Variants in SETD2 observed in about 807,000 individuals in gnomAD.
SETD2 encodes the protein histone-lysine N-methyltransferase SETD2.
In SETD2, 31 loss-of-function variants were observed where a neutral mutation model predicts 242.1. The ratio of observed to expected loss-of-function variants is 0.13; its 90% confidence interval spans 0.10 to 0.17. The LOEUF (loss-of-function observed/expected upper bound fraction) is 0.17. Ranked by LOEUF, SETD2 falls within the 10% of genes least tolerant of loss-of-function variation. SETD2 has a pLI of 1.00. For synonymous variants in SETD2, 1,006 were observed against 1,066.5 expected, an observed-to-expected ratio of 0.94 and a Z score of 1.11; for missense variants, 2,481 against 3,046.3, an observed-to-expected ratio of 0.81 and a Z score of 4.37.
intron 16 of SETD2, 67 bp from the exon 17 acceptor site, chr3:47,042,767 T>C (rs1010154858): frequency 9.4e-6 from 13 of 1,383,696 alleles, no homozygotes; most frequent in East Asian, 4.7e-5. Flanking sequence ...TAGGACAAAA[T>C]AGCCCACTTA....
chr3:47,034,263 T>C (rs1363257589), intron 18 of SETD2, among the ~76,000 whole-genome samples: 1 of 152,210 alleles, frequency 6.6e-6, no homozygotes, highest in Non-Finnish European at 1.5e-5. Context: ...TTGGAACTAC[T>C]ACTCTATAAC....
At chr3:47,130,759 C>T (rs2043457195) in intron 1 of SETD2, among the ~76,000 whole-genome samples, 1 of 151,046 alleles carries the variant, frequency 6.6e-6, no homozygotes, top group South Asian at 2.1e-4. Context: ...TTTCTTCTTT[C>T]AAAAAACTAC....
At chr3:47,064,111 G>A (rs1231470736) in intron 13 of SETD2, among the ~76,000 whole-genome samples, 3 of 152,128 alleles carry the variant, frequency 2.0e-5, no homozygotes, top group Non-Finnish European at 4.4e-5. Flanking sequence ...TCTCTCATAG[G>A]ACAAGGAAGA....
chr3:47,083,371 T>A (rs2041398200), intron 12 of SETD2, among the ~76,000 whole-genome samples: 1 of 152,228 alleles, frequency 6.6e-6, no homozygotes, highest in South Asian at 2.1e-4. Flanking sequence ...TACAACTGAT[T>A]TCCAATAAAT....
In SETD2 at chr3:47,037,729, G is replaced by T; in HGVS notation, c.7287C>A (p.Ala2429=). ...CCATCTCAGCTTCATGCTCAAGGCT[G>T]GCATCATCTCCTGGGCTTTCCCAAG... ...PPTWESPGDD[A]SLEHEAEMDL... is the part of the protein sequence containing the mutation. The change falls in exon 18 of 21, where the codon GCC becomes GCA. Residue 2429 remains alanine, a synonymous_variant. Coordinates refer to ENST00000409792, the MANE Select transcript of SETD2 (RefSeq NM_014159.7). The T allele has an allele frequency of 1.2e-6, 2 of 1,613,852 alleles. 1 individual carries two copies. Among genetic ancestry groups the T allele is most frequent in the South Asian group, 2.2e-5 (2 of 91,076 alleles).
chr3:47,059,725 T>G (rs188905411), intron 14 of SETD2, among the ~76,000 whole-genome samples: 2 of 152,228 alleles, frequency 1.3e-5, no homozygotes, highest in Admixed American at 6.5e-5. Context: ...GCTGGGAATT[T>G]TTTAAGGTGA....
intron 11 of SETD2, among the ~76,000 whole-genome samples, chr3:47,085,468 C>T (rs886407085): frequency 6.6e-6 from 1 of 152,160 alleles, no homozygotes; most frequent in African/African-American, 2.4e-5. Flanking sequence ...TAGACAACCT[C>T]CCCCATTTTG....
At position 47,118,779 on chromosome 3, in the gene SETD2, T is replaced by C. The variant is rs143393909; in HGVS notation, c.4454+1403A>G. On this transcript the variant is annotated intron_variant, in intron 3 of 20. Coordinates refer to ENST00000409792, the MANE Select transcript of SETD2 (RefSeq NM_014159.7). ...GTGCACAGTTTTATATATATATATC[T>C]GATTCTCAATGCTAAAGAAAAGTCA... 7.0e-3 allele frequency among the ~76,000 whole-genome samples: 1,070 copies of C among 152,208 alleles called. 16 individuals carry two copies. Among genetic ancestry groups the C allele is most frequent in the African/African-American group, 0.024 (1,006 of 41,550 alleles).
intron 15 of SETD2, among the ~76,000 whole-genome samples, chr3:47,050,326 T>C (rs560478296): frequency 6.6e-6 from 1 of 152,290 alleles, no homozygotes; most frequent in African/African-American, 2.4e-5. Context: ...AGCCTAGGCT[T>C]ACACGGAGTC....
intron 14 of SETD2, among the ~76,000 whole-genome samples, chr3:47,060,571 C>A (rs2040288327): frequency 6.6e-6 from 1 of 151,960 alleles, no homozygotes; most frequent in African/African-American, 2.4e-5. Context: ...GGTGCTGGGA[C>A]AATTGGGTAT....
chr3:47,077,251 T>C (rs1368896126), intron 12 of SETD2, among the ~76,000 whole-genome samples: 1 of 152,060 alleles, frequency 6.6e-6, no homozygotes, highest in Admixed American at 6.5e-5. Context: ...GCCCGGCTAA[T>C]TTTTGTATTT....
At chr3:47,077,524 T>C (rs1056938297) in intron 12 of SETD2, among the ~76,000 whole-genome samples, 2 of 152,164 alleles carry the variant, frequency 1.3e-5, no homozygotes, top group Non-Finnish European at 2.9e-5. Context: ...GGGTATGGTG[T>C]CAGATTAACA....
intron 3 of SETD2, among the ~76,000 whole-genome samples, chr3:47,117,669 A>T (rs968641530): frequency 6.6e-6 from 1 of 152,212 alleles, no homozygotes; most frequent in Admixed American, 6.5e-5. Flanking sequence ...AGCAGACTGA[A>T]TTTTTTAAAT....
At chr3:47,144,914 G>A (rs2043817857) in intron 1 of SETD2, among the ~76,000 whole-genome samples, 1 of 152,150 alleles carries the variant, frequency 6.6e-6, no homozygotes, top group African/African-American at 2.4e-5. Flanking sequence ...TCACACCACT[G>A]CACTCCAGCC....
At position 47,121,158 on chromosome 3, in the gene SETD2, G is replaced by C. The variant is rs2043067537; in HGVS notation, c.3478C>G (p.Leu1160Val). Residue 1160 changes from leucine to valine, a missense_variant, in exon 3 of 21, where the codon CTT becomes GTT. By Grantham distance (32) the Leu-to-Val change is conservative. This residue lies in a region of SETD2 where 1,300 missense variants were observed against 1,259.2 expected (regional missense o/e 1.03). Coordinates refer to ENST00000409792, the MANE Select transcript of SETD2 (RefSeq NM_014159.7). ...ACCCCATCACTCTGAGGATGAGAAA[G>C]TTCAGGCAGGCGATTATCTATTTGT... Reference protein sequence around the residue: ...RKQIDNRLPELSHPQSDGVDS... With the variant: ...RKQIDNRLPEVSHPQSDGVDS... 1 of 1,614,036 alleles carries C rather than the reference G, an allele frequency of 6.2e-7. No homozygotes were observed. Among genetic ancestry groups the C allele is most frequent in the South Asian group, 1.1e-5 (1 of 91,082 alleles).
chr3:47,068,571 A>G (rs2040670917), intron 12 of SETD2, among the ~76,000 whole-genome samples: 1 of 138,676 alleles, frequency 7.2e-6, no homozygotes, highest in Admixed American at 8.2e-5. Flanking sequence ...ATCTCAGCTT[A>G]CTGCAACCTC....
intron 5 of SETD2, among the ~76,000 whole-genome samples, chr3:47,111,673 T>C (rs1039722650): frequency 1.3e-5 from 2 of 152,040 alleles, no homozygotes; most frequent in East Asian, 1.9e-4. Flanking sequence ...CCCCTTTTTG[T>C]GTAACAAAAC....
At chr3:47,044,748 A>T (rs1282571927) in intron 16 of SETD2, among the ~76,000 whole-genome samples, 5 of 152,236 alleles carry the variant, frequency 3.3e-5, no homozygotes, top group Admixed American at 2.0e-4. Context: ...ACTTTTTTTA[A>T]ACATTGTACA....
intron 1 of SETD2, among the ~76,000 whole-genome samples, chr3:47,140,819 C>A (rs996556246): frequency 1.3e-5 from 2 of 152,048 alleles, no homozygotes; most frequent in Non-Finnish European, 2.9e-5. Context: ...GCTGAGATTG[C>A]GCCATTGCAC....
Sources: allele counts gnomAD v4.1 joint callset (sites outside exome capture counted in the v4.1 genomes callset), GRCh38; gene constraint gnomAD v4.1.1; regional missense constraint gnomAD v4.1.1; transcripts MANE v1.5; gene names NCBI Gene and HGNC (gene_info 2026-07-23, HGNC 2026-07-21).